The following IGF2BP3 variants were observed in gnomAD, a reference collection of about 807,000 sequenced individuals.
IGF2BP3 encodes insulin-like growth factor 2 mRNA-binding protein 3.
Under a neutral mutation model 73.8 loss-of-function variants are expected in IGF2BP3, and 9 were observed. The observed-to-expected ratio is 0.12, with a 90% CI of 0.07 to 0.21. IGF2BP3 has a LOEUF of 0.21. Among genes scored for constraint, IGF2BP3 ranks in the 10% least tolerant of loss-of-function variants. The pLI is 1.00. For synonymous variants in IGF2BP3, 258 were observed against 256.7 expected (o/e 1.01, Z -0.05); for missense variants, 542 against 714.0 (o/e 0.76, Z 2.75).
At chr7:23,325,914 T>C (rs1784281327) in intron 10 of IGF2BP3, among the ~76,000 whole-genome samples, 1 of 152,268 alleles carries the variant, frequency 6.6e-6, no homozygotes, top group African/African-American at 2.4e-5. Flanking sequence ...TTACACCTTA[T>C]ACAAAAATCA....
chr7:23,352,891 ATTG>A (rs1785002172), intron 5 of IGF2BP3, among the ~76,000 whole-genome samples: 1 of 151,744 alleles, frequency 6.6e-6, no homozygotes, highest in African/African-American at 2.4e-5. Context: ...ATTCATCCAA[ATTG>A]TTGTGTTCTG....
chr7:23,393,730 G>T (rs1424495296), intron 3 of IGF2BP3, among the ~76,000 whole-genome samples: 1 of 152,192 alleles, frequency 6.6e-6, no homozygotes, highest in African/African-American at 2.4e-5. Flanking sequence ...TCTAGCCCAA[G>T]GGGGGCAATC....
intron 2 of IGF2BP3, among the ~76,000 whole-genome samples, chr7:23,449,289 G>A (rs953828107): frequency 5.3e-5 from 8 of 151,790 alleles, no homozygotes; most frequent in Admixed American, 1.3e-4. Flanking sequence ...AGACCGAGGC[G>A]GGCAGATCAC....
At chr7:23,313,372 G>C (rs1430518426) in intron 13 of IGF2BP3, 150 bp downstream of exon 13, 19 of 797,218 alleles carry the variant, frequency 2.4e-5, no homozygotes, top group Middle Eastern at 2.6e-4. Flanking sequence ...CCAACACTCA[G>C]ACAGGAAACA....
In IGF2BP3 at chr7:23,366,717, T is replaced by C. The variant is rs151192444; in HGVS notation, c.286-4976A>G. 1.6e-3 allele frequency among the ~76,000 whole-genome samples: 246 copies of C among 152,252 alleles called. 1 individual carries two copies. Among genetic ancestry groups the C allele is most frequent in the African/African-American group, 5.7e-3 (235 of 41,552 alleles). On this transcript the variant is annotated intron_variant, in intron 3 of 14. Transcript: ENST00000258729. The stretch of plus-strand genomic sequence containing the variant: ...GGATTTCAGTGGATCTTTGATGTCT[T>C]ACTCAAAGTTTCATGTACAAGGCTT...
intron 2 of IGF2BP3, among the ~76,000 whole-genome samples, chr7:23,430,943 T>C (rs942748700): frequency 6.6e-6 from 1 of 152,210 alleles, no homozygotes; most frequent in Non-Finnish European, 1.5e-5. Flanking sequence ...CTCATGGAGA[T>C]ATTATAAATA....
chr7:23,429,096 G>C (rs769818758), intron 2 of IGF2BP3, among the ~76,000 whole-genome samples: 1 of 152,150 alleles, frequency 6.6e-6, no homozygotes, highest in African/African-American at 2.4e-5. Context: ...AAAGTACAGA[G>C]AGACTACAAT....
intron 2 of IGF2BP3, among the ~76,000 whole-genome samples, chr7:23,424,672 A>G (rs1392785998): frequency 1.3e-5 from 2 of 152,020 alleles, no homozygotes; most frequent in Admixed American, 6.6e-5. Context: ...ACTGCCTGAA[A>G]CCAGGAGTTC....
chr7:23,394,384 T>C (rs1040067077), intron 3 of IGF2BP3, among the ~76,000 whole-genome samples: 11 of 152,104 alleles, frequency 7.2e-5, no homozygotes, highest in African/African-American at 2.7e-4. Flanking sequence ...GCAGGATCGC[T>C]TCAGCCTGGA....
chr7:23,422,249 TG>T (rs934372193), intron 2 of IGF2BP3, among the ~76,000 whole-genome samples: 19 of 152,298 alleles, frequency 1.2e-4, no homozygotes, highest in Admixed American at 1.2e-3. Context: ...AATTAGCATG[TG>T]ATCATACATA....
At chr7:23,374,634 G>A (rs141856888) in intron 3 of IGF2BP3, among the ~76,000 whole-genome samples, 3 of 152,200 alleles carry the variant, frequency 2.0e-5, no homozygotes, top group African/African-American at 4.8e-5. Context: ...CTATGATGAC[G>A]CCACTGCACT....
chr7:23,314,536 C>G (rs1389060138), intron 12 of IGF2BP3, among the ~76,000 whole-genome samples: 1 of 151,726 alleles, frequency 6.6e-6, no homozygotes, highest in Non-Finnish European at 1.5e-5. Context: ...ATCACAAACT[C>G]CTGGGCTCAA....
intron 3 of IGF2BP3, among the ~76,000 whole-genome samples, chr7:23,389,790 T>G (rs1242349967): frequency 6.8e-6 from 1 of 147,174 alleles, no homozygotes; most frequent in East Asian, 2.0e-4. Flanking sequence ...GGTCAAGAGT[T>G]CAAGACCAGC....
intron 10 of IGF2BP3, among the ~76,000 whole-genome samples, chr7:23,327,432 C>T (rs189183590): frequency 0.039 from 5,965 of 152,078 alleles, 374 homozygotes; most frequent in African/African-American, 0.13. Context: ...AGGCGCCCAC[C>T]ATCACGCCCG....
chr7:23,343,574 C>T, intron 9 of IGF2BP3, 144 bp downstream of exon 9: 1 of 727,036 alleles, frequency 1.4e-6, no homozygotes, highest in Non-Finnish European at 2.3e-6. Context: ...TCCCTACTAT[C>T]CCAGGGTACT....
Position 23,469,988 on chromosome 7 carries a change from G to A in IGF2BP3, c.123C>T (p.Phe41=), listed in dbSNP as rs999844989. The change falls in exon 1 of 15, where the codon TTC becomes TTT. Residue 41 remains phenylalanine (F), a synonymous_variant. Transcript: ENST00000258729. This position sits in a 1 kb window ranked among gnomAD's most constrained non-coding sequence, Gnocchi z 6.1. ...CCCAGCTCTCGTCCGGGCAGTCCACGAACGCGTAGCCAGTCTTCACCAGGA... is the reference window on the plus strand; with the variant it reads ...CCCAGCTCTCGTCCGGGCAGTCCACAAACGCGTAGCCAGTCTTCACCAGGA... ...GPFLVKTGYA[F]VDCPDESWAL... 2 of 1,612,542 alleles carry A rather than the reference G, an allele frequency of 1.2e-6. No individual in the cohort carries two copies. Among genetic ancestry groups the A allele is most frequent in the African/African-American group, 2.7e-5 (2 of 74,904 alleles).
chr7:23,445,052 T>C (rs558746196), intron 2 of IGF2BP3, among the ~76,000 whole-genome samples: 20 of 152,284 alleles, frequency 1.3e-4, no homozygotes, highest in Non-Finnish European at 2.2e-4. Context: ...AGTGAGACCC[T>C]GTCTCTAAAA....
At chr7:23,405,942 GA>G (rs776123332) in intron 3 of IGF2BP3, among the ~76,000 whole-genome samples, 69 of 152,014 alleles carry the variant, frequency 4.5e-4, no homozygotes, top group Non-Finnish European at 7.9e-4. Flanking sequence ...GCTTACACAT[GA>G]TGATGGAGCA....
chr7:23,435,292 C>CAAAA (rs35846648), intron 2 of IGF2BP3, among the ~76,000 whole-genome samples: 12 of 47,958 alleles, frequency 2.5e-4, no homozygotes, highest in African/African-American at 8.2e-4. Flanking sequence ...GACTCTGTCT[C>CAAAA]AAAAAAAAAA....
Sources: gnomAD v4.1 joint callset for allele counts (sites outside exome capture counted in the v4.1 genomes callset) on GRCh38, gnomAD v4.1.1 for gene constraint, Gnocchi (gnomAD v3.1) non-coding constraint, MANE v1.5 for transcripts, NCBI Gene and HGNC (gene_info 2026-07-23, HGNC 2026-07-21) for gene names.